Variants in PMP22 observed in about 807,000 individuals in gnomAD.
The protein encoded by PMP22 is Charcot-Marie-Tooth neuropathy 1A (greatly reduced nerve conduction velocity, hereditary motor sensory neuropathy Ia).
Under a neutral mutation model 18.9 loss-of-function variants are expected in PMP22, and 2 were observed. The ratio of observed to expected loss-of-function variants is 0.11; its 90% confidence interval spans 0.04 to 0.33. The LOEUF (loss-of-function observed/expected upper bound fraction) is 0.33. Among genes scored for constraint, PMP22 ranks in the 10% least tolerant of loss-of-function variants. The probability of loss-of-function intolerance (pLI) is 1.00; values close to 1 mark genes in which losing one functional copy is unlikely to be tolerated. For missense variants in PMP22, 169 were observed against 202.2 expected (o/e 0.84, Z 1.00); for synonymous variants, 95 against 89.2 (o/e 1.07, Z -0.37).
chr17:15,251,023 A>C (rs979417171), intron 3 of PMP22, among the ~76,000 whole-genome samples: 13 of 152,124 alleles, frequency 8.5e-5, no homozygotes, highest in African/African-American at 3.1e-4. Context: ...ATGATGTCCC[A>C]ACTGTCCTTC....
chr17:15,242,148 G>A (rs1241705629), intron 3 of PMP22, among the ~76,000 whole-genome samples: 4 of 151,372 alleles, frequency 2.6e-5, no homozygotes, highest in South Asian at 2.1e-4. Flanking sequence ...CAGCTACTTG[G>A]GAGGTTGAGG....
intron 3 of PMP22, among the ~76,000 whole-genome samples, chr17:15,257,469 G>C (rs1174146744): frequency 6.6e-6 from 1 of 152,182 alleles, no homozygotes; most frequent in Non-Finnish European, 1.5e-5. Flanking sequence ...TGGGGATGGC[G>C]CCTGTGAGCA....
At chr17:15,234,772 G>A (rs781409511) in intron 4 of PMP22, among the ~76,000 whole-genome samples, 9 of 151,490 alleles carry the variant, frequency 5.9e-5, no homozygotes, top group Non-Finnish European at 1.2e-4. Flanking sequence ...ACTCTGAACA[G>A]GATGGCACTG....
intron 4 of PMP22, among the ~76,000 whole-genome samples, chr17:15,238,291 C>T (rs1009184130): frequency 6.6e-6 from 1 of 152,158 alleles, no homozygotes; most frequent in Non-Finnish European, 1.5e-5. Flanking sequence ...GAAAGGGGAA[C>T]TCTCTGTCTT....
Position 15,261,282 on chromosome 17 carries a change from G to A in PMP22, c.-34-521C>T, listed in dbSNP as rs1460178248. 6.5e-6 allele frequency: 1 copy of A among 153,050 alleles called. No individual in the cohort carries two copies. The highest frequency in any genetic ancestry group is 1.5e-5 in the Non-Finnish European group (1 of 68,810). 9.5% of individuals were successfully genotyped at this position (153,050 alleles called of 1,614,324 possible). A position where few individuals can be genotyped will look rare whatever the true frequency, so the allele number is the denominator to read the frequency against. On this transcript the variant is annotated intron_variant, in intron 1 of 4. Transcript: ENST00000312280. The surrounding 1 kb of genome is among the most constrained non-coding windows in gnomAD (Gnocchi z 5.2). ...GCGGTGGGGGAGACAGCGGCGAGGA[G>A]GCTGGTTTCCCAGACCCCAGTGCTC...
intron 1 of PMP22, 89 bp from the exon 2 acceptor site, chr17:15,260,850 A>AGGCCCGGCCTGGCCCAGCGCCCGC: frequency 1.1e-6 from 1 of 943,146 alleles, no homozygotes; most frequent in Non-Finnish European, 1.7e-6. Context: ...CACTAGCGGA[A>AGGCCCGGCCTGGCCCAGCGCCCGC]GGCCCGGCCT....
rs549241131 is a variant in PMP22 at position 15,235,254 on chromosome 17, C to T, written c.320-4174G>A. Reference sequence around the variant, plus strand: ...CCTCTATTCTTTCTGTTCTTAATCCCGGTAACCACACATTTGACTTGAGTT... The same window carrying T: ...CCTCTATTCTTTCTGTTCTTAATCCTGGTAACCACACATTTGACTTGAGTT... On this transcript the variant is annotated intron_variant, in intron 4 of 4. Transcript: ENST00000312280. The T allele has an allele frequency of 8.1e-5, 58 of 717,558 alleles. No homozygotes were observed. In the African/African-American group the frequency reaches 8.2e-4, roughly 10 times the overall value. The allele number at this position is 717,558 out of a possible 1,614,324, so 44.4% of individuals were successfully genotyped here. A position where few individuals can be genotyped will look rare whatever the true frequency, so the allele number is the denominator to read the frequency against.
chr17:15,237,752 C>T (rs980828160), intron 4 of PMP22, among the ~76,000 whole-genome samples: 18 of 152,114 alleles, frequency 1.2e-4, no homozygotes, highest in Admixed American at 1.0e-3. Flanking sequence ...AGTAAAATAA[C>T]GAGCCTGTAC....
chr17:15,234,576 C>T (rs1198500926), intron 4 of PMP22, among the ~76,000 whole-genome samples: 1 of 152,136 alleles, frequency 6.6e-6, no homozygotes, highest in African/African-American at 2.4e-5. Context: ...AAGCAAGAGA[C>T]TTCTCTGTGT....
chr17:15,231,108 G>A (rs200217884), intron 4 of PMP22, 28 bp from the exon 5 acceptor site: 10 of 1,612,078 alleles, frequency 6.2e-6, no homozygotes, highest in Non-Finnish European at 1.7e-6. Context: ...CAAGCTGGGT[G>A]ACGGAGAGTC....
At chr17:15,259,021 T>C in intron 3 of PMP22, 73 bp downstream of exon 3, 1 of 1,136,604 alleles carries the variant, frequency 8.8e-7, no homozygotes, top group Middle Eastern at 2.1e-4. Context: ...CCAATAAGCG[T>C]TTCCAGCTCT....
Position 15,230,681 on chromosome 17 carries a change from A to G in PMP22, c.*236T>C. On this transcript the variant is annotated 3_prime_UTR_variant, in exon 5 of 5. Coordinates refer to ENST00000312280, the MANE Select transcript of PMP22 (RefSeq NM_000304.4). ...GCTCAACACGAGGCTGATGGTCAAC[A>G]TAAAAAGCAAACAATACTATGTACA... 2 of 549,394 alleles carry G rather than the reference A, an allele frequency of 3.6e-6. No homozygotes were observed. The highest frequency in any genetic ancestry group is 6.5e-6 in the Non-Finnish European group (2 of 306,664). The allele number at this position is 549,394 out of a possible 1,614,324, so 34.0% of individuals were successfully genotyped here.
chr17:15,248,905 G>T (rs779441756), intron 3 of PMP22, among the ~76,000 whole-genome samples: 1 of 152,190 alleles, frequency 6.6e-6, no homozygotes, highest in Non-Finnish European at 1.5e-5. Context: ...CATAGAAAAT[G>T]ACGGGAAAGG....
At chr17:15,254,884 G>A (rs142881336) in intron 3 of PMP22, among the ~76,000 whole-genome samples, 34 of 152,314 alleles carry the variant, frequency 2.2e-4, no homozygotes, top group East Asian at 9.7e-4. Flanking sequence ...GCTTGAACCC[G>A]GGAAGCGGAG....
chr17:15,248,278 G>A (rs902756294), intron 3 of PMP22, among the ~76,000 whole-genome samples: 3 of 152,222 alleles, frequency 2.0e-5, no homozygotes, highest in Non-Finnish European at 4.4e-5. Flanking sequence ...TGAAGGTGAC[G>A]TGGGCGGCTC....
chr17:15,235,892 C>T (rs1464387821), intron 4 of PMP22, among the ~76,000 whole-genome samples: 2 of 151,958 alleles, frequency 1.3e-5, no homozygotes, highest in African/African-American at 4.8e-5. Flanking sequence ...GTAGCTGGGA[C>T]TACAGGCACG....
chr17:15,264,653 C>T (rs774949573), intron 1 of PMP22, among the ~76,000 whole-genome samples: 9 of 152,168 alleles, frequency 5.9e-5, no homozygotes, highest in Non-Finnish European at 1.2e-4. Context: ...ACAGCCACAC[C>T]ATATACTGCC....
intron 4 of PMP22, among the ~76,000 whole-genome samples, chr17:15,236,332 C>CCTAG (rs1597603914): frequency 1.3e-5 from 2 of 152,220 alleles, no homozygotes; most frequent in East Asian, 3.9e-4. Context: ...CTCCAAGAGC[C>CCTAG]CTAGCACCTT....
intron 3 of PMP22, among the ~76,000 whole-genome samples, chr17:15,245,917 G>T (rs561372048): frequency 6.6e-6 from 1 of 152,052 alleles, no homozygotes; most frequent in Admixed American, 6.5e-5. Flanking sequence ...GGAGGCTGAG[G>T]CAGGAGAATG....
Sources: gnomAD v4.1 joint callset for allele counts (sites outside exome capture counted in the v4.1 genomes callset) on GRCh38, gnomAD v4.1.1 for gene constraint, Gnocchi (gnomAD v3.1) non-coding constraint, MANE v1.5 for transcripts, NCBI Gene and HGNC (gene_info 2026-07-23, HGNC 2026-07-21) for gene names.